The following TAF15 variants were observed in gnomAD, a reference collection of about 807,000 sequenced individuals.
The protein encoded by TAF15 is TATA-box binding protein associated factor 15, also known as TATA-binding protein-associated factor 2N.
Under a neutral mutation model 102.5 loss-of-function variants are expected in TAF15, and 37 were observed. The ratio of observed to expected loss-of-function variants is 0.36; its 90% CI spans 0.28 to 0.47. The LOEUF (loss-of-function observed/expected upper bound fraction) is 0.47. TAF15 is among the 20% of genes least tolerant of loss of function. The pLI is 0.99. For synonymous variants in TAF15, 273 were observed against 259.2 expected (o/e 1.05, Z -0.51); for missense variants, 652 against 760.7 (o/e 0.86, Z 1.68).
At chr17:35,841,896 T>A (rs1438128069) in intron 11 of TAF15, among the ~76,000 whole-genome samples, 1 of 152,106 alleles carries the variant, frequency 6.6e-6, no homozygotes, top group East Asian at 1.9e-4. Context: ...AAGGGTCTCA[T>A]TACGTTCCTC....
rs749910111 is a variant in TAF15 at position 35,817,706 on chromosome 17, T to C, written c.8-10T>C. On this transcript the variant is annotated splice_polypyrimidine_tract_variant and intron_variant, in intron 1 of 15. Transcript: ENST00000605844. ...TAAATAAGATTTAAAATTCTTTTTA[T>C]GTGTTCTAGATTCTGGAAGTTACGG... The C allele has an allele frequency of 6.2e-7, 1 of 1,612,474 alleles. No homozygotes were observed. Among genetic ancestry groups the C allele is most frequent in the Non-Finnish European group, 8.5e-7 (1 of 1,178,668 alleles).
At chr17:35,835,006 A>T (rs1014487978) in intron 9 of TAF15, among the ~76,000 whole-genome samples, 2 of 151,986 alleles carry the variant, frequency 1.3e-5, no homozygotes, top group Non-Finnish European at 2.9e-5. Context: ...AGCCTCCCAC[A>T]GTGCTGGGAA....
At chr17:35,841,621 C>G (rs1355845828) in intron 11 of TAF15, among the ~76,000 whole-genome samples, 4 of 151,810 alleles carry the variant, frequency 2.6e-5, no homozygotes, top group Non-Finnish European at 5.9e-5. Context: ...CCAGGCTGGT[C>G]CCAAACTCCT....
intron 1 of TAF15, among the ~76,000 whole-genome samples, chr17:35,815,656 GTTTAACCTAA>G (rs2087186610): frequency 1.3e-5 from 2 of 152,214 alleles, no homozygotes; most frequent in South Asian, 4.1e-4. Flanking sequence ...TCAGGATATA[GTTTAACCTAA>G]AGCTTCATGC....
In TAF15 at chr17:35,822,759, A is replaced by T. The variant is rs369432616; in HGVS notation, c.410A>T (p.Gln137Leu). Reference sequence around the variant, plus strand: ...TATGATGAGCAGTCAAATTATGATCAGCAGCATGATTCCTATAGTCAAAAC... The same window carrying T: ...TATGATGAGCAGTCAAATTATGATCTGCAGCATGATTCCTATAGTCAAAAC... ...GSYDEQSNYD[Q>L]QHDSYSQNQQ... is the part of the protein sequence containing the mutation. The change falls in exon 6 of 16, where the codon CAG becomes CTG. Residue 137 changes from glutamine to leucine, a missense_variant. Transcript: ENST00000605844. 1.9e-6 allele frequency: 3 copies of T among 1,614,228 alleles called. No homozygotes were observed. Among genetic ancestry groups the T allele is most frequent in the Non-Finnish European group, 2.5e-6 (3 of 1,180,040 alleles).
rs1477537064 is a variant in TAF15 at position 35,835,807 on chromosome 17, AAACT to A, written c.674-320_674-317del. Among the ~76,000 whole-genome samples, 4 of 152,390 alleles carry A rather than the reference AAACT, an allele frequency of 2.6e-5. No homozygotes were observed. The East Asian group carries it at 7.7e-4, about 29-fold the overall frequency. ...AGAGTTCTCCAGAGAAAGAAATGCT[AAACT>A]AACTCCATCTCTTCATGACGTTTAG... On this transcript the variant is annotated intron_variant, in intron 9 of 15. Transcript: ENST00000605844.
chr17:35,816,334 A>C (rs542457455), intron 1 of TAF15, among the ~76,000 whole-genome samples: 1 of 152,158 alleles, frequency 6.6e-6, no homozygotes, highest in African/African-American at 2.4e-5. Flanking sequence ...CTGAGCCCCT[A>C]TCTCTAAAAA....
chr17:35,837,787 A>G lies in TAF15; in HGVS notation c.784-637A>G, dbSNP rs184820826. On this transcript the variant is annotated intron_variant, in intron 10 of 15. Transcript: ENST00000605844. ...GGTTGCAGTGAGCCGAGATTGTGCCACTGCACTCCAGCCTGGGCAACAGAG... is the reference window on the plus strand; with the variant it reads ...GGTTGCAGTGAGCCGAGATTGTGCCGCTGCACTCCAGCCTGGGCAACAGAG... Among the ~76,000 whole-genome samples the G allele has an allele frequency of 1.4e-3, 214 of 151,998 alleles. 1 individual carries two copies. Among genetic ancestry groups the G allele is most frequent in the African/African-American group, 4.6e-3 (189 of 41,476 alleles).
In TAF15 at chr17:35,844,085, G is replaced by A; in HGVS notation, c.1015G>A (p.Gly339Arg). 6.2e-7 allele frequency: 1 copy of A among 1,614,142 alleles called. No homozygotes were observed. Among genetic ancestry groups the A allele is most frequent in the East Asian group, 2.2e-5 (1 of 44,888 alleles). Reference protein sequence around the residue: ...GSGGGRRGRGGYRGRGGFQGR... With the variant: ...GSGGGRRGRGRYRGRGGFQGR... ...TGGCCCCATCCCCCTAGGCCGTGGA[G>A]GATATAGAGGTCGTGGAGGCTTTCA... The change falls in exon 13 of 16, where the codon GGA (glycine) becomes AGA (arginine). Residue 339 changes from glycine (G) to arginine (R), a missense_variant. This residue lies in a region of TAF15 where 368 missense variants were observed against 367.5 expected (regional missense o/e 1.00). Coordinates refer to ENST00000605844, the MANE Select transcript of TAF15 (RefSeq NM_139215.3).
At chr17:35,819,038 A>T (rs1466987217) in intron 2 of TAF15, among the ~76,000 whole-genome samples, 2 of 152,192 alleles carry the variant, frequency 1.3e-5, no homozygotes, top group Non-Finnish European at 2.9e-5. Context: ...ACCAAAATAC[A>T]GCCTTCAACT....
At chr17:35,841,756 G>A (rs369250051) in intron 11 of TAF15, among the ~76,000 whole-genome samples, 6 of 148,374 alleles carry the variant, frequency 4.0e-5, no homozygotes, top group African/African-American at 1.5e-4. Context: ...AGTACACAGT[G>A]GCACGAAGAT....
In TAF15 at chr17:35,844,341, C is replaced by G; in HGVS notation, c.1150C>G (p.Pro384Ala). The stretch of plus-strand genomic sequence containing the variant: ...CTGCAATCAGTGCAATGAGCCTAGA[C>G]CAGAGGACTCTCGTCCCTCAGGAGG... ...NSCNQCNEPR[P>A]EDSRPSGGDF... The change falls in exon 14 of 16, where the codon CCA becomes GCA. Residue 384 changes from proline to alanine, a missense_variant. Around this residue, in one of 3 missense-constraint regions of TAF15, gnomAD observed 368 missense variants for 367.5 expected, o/e 1.00. Coordinates refer to ENST00000605844, the MANE Select transcript of TAF15 (RefSeq NM_139215.3). The G allele has an allele frequency of 6.2e-7, 1 of 1,614,230 alleles. No homozygotes were observed. Among genetic ancestry groups the G allele is most frequent in the Non-Finnish European group, 8.5e-7 (1 of 1,180,048 alleles).
At chr17:35,846,795 C>G in intron 15 of TAF15, 111 bp from the exon 16 acceptor site, 1 of 1,111,040 alleles carries the variant, frequency 9.0e-7, no homozygotes. Flanking sequence ...TGGTGTCATT[C>G]TTTAGAAATT....
chr17:35,832,891 T>TA, intron 7 of TAF15, among the ~76,000 whole-genome samples: 1 of 152,274 alleles, frequency 6.6e-6, no homozygotes, highest in African/African-American at 2.4e-5. Flanking sequence ...GCGCAGTGGC[T>TA]CGTGCCTGTA....
intron 11 of TAF15, among the ~76,000 whole-genome samples, chr17:35,841,521 T>G (rs945780515): frequency 6.6e-6 from 1 of 151,892 alleles, no homozygotes; most frequent in Admixed American, 6.6e-5. Context: ...TCCTCCTACC[T>G]TAGCCTCCCA....
intron 1 of TAF15, among the ~76,000 whole-genome samples, chr17:35,814,115 C>T (rs1028444821): frequency 1.3e-5 from 2 of 151,766 alleles, no homozygotes; most frequent in African/African-American, 4.8e-5. Context: ...CTGTGTTGCC[C>T]AGGCTGGTCT....
intron 7 of TAF15, among the ~76,000 whole-genome samples, chr17:35,832,798 C>T (rs2087423033): frequency 6.6e-6 from 1 of 152,028 alleles, no homozygotes; most frequent in African/African-American, 2.4e-5. Context: ...ATAAGAGAGA[C>T]CTTAGATTTC....
intron 1 of TAF15, chr17:35,811,443 C>T (rs1169503834): frequency 2.0e-5 from 3 of 152,134 alleles, no homozygotes; most frequent in African/African-American, 7.2e-5. Context: ...TTAATTAAAG[C>T]TAGACTCTTT....
chr17:35,845,242 T>G (rs2087609987), intron 15 of TAF15, among the ~76,000 whole-genome samples: 1 of 152,304 alleles, frequency 6.6e-6, no homozygotes, highest in Non-Finnish European at 1.5e-5. Flanking sequence ...TTTTTATTTT[T>G]TAGAGACAAT....
Sources: gnomAD v4.1 joint callset for allele counts (sites outside exome capture counted in the v4.1 genomes callset) on GRCh38, gnomAD v4.1.1 for gene constraint, gnomAD v4.1.1 regional missense constraint, MANE v1.5 for transcripts, NCBI Gene and HGNC (gene_info 2026-07-23, HGNC 2026-07-21) for gene names.